Variants in ROBO1 observed in about 807,000 individuals in gnomAD.
ROBO1 encodes the protein roundabout guidance receptor 1, also known as roundabout homolog 1.
A neutral mutation model predicts 195.9 loss-of-function variants in ROBO1; 149 were observed. The observed-to-expected ratio is 0.76, with a 90% CI of 0.67 to 0.87. The LOEUF (loss-of-function observed/expected upper bound fraction) is 0.87, where lower values mean the gene tolerates loss of function less well. Among genes scored for constraint, ROBO1 ranks in the 40% least tolerant of loss-of-function variants. The probability of loss-of-function intolerance (pLI) is 0.00; values close to 1 mark genes in which losing one functional copy is unlikely to be tolerated. For missense variants in ROBO1, 1,933 were observed against 2,068.3 expected, an observed-to-expected ratio of 0.93 and a Z score of 1.27; for synonymous variants, 816 against 733.2, an observed-to-expected ratio of 1.11 and a Z score of -1.82.
intron 8 of ROBO1, among the ~76,000 whole-genome samples, chr3:78,707,272 C>A (rs535602429): frequency 6.6e-6 from 1 of 152,100 alleles, no homozygotes; most frequent in African/African-American, 2.4e-5. Context: ...AAAGACAGCA[C>A]GGGGCTTTTT....
chr3:79,645,604 A>G (rs1288206460), intron 1 of ROBO1, among the ~76,000 whole-genome samples: 1 of 152,158 alleles, frequency 6.6e-6, no homozygotes, highest in African/African-American at 2.4e-5. Flanking sequence ...GACATTCTTC[A>G]CAGAAATAGA....
At chr3:79,029,604 A>G (rs892471125) in intron 3 of ROBO1, among the ~76,000 whole-genome samples, 3 of 152,200 alleles carry the variant, frequency 2.0e-5, no homozygotes, top group Non-Finnish European at 2.9e-5. Flanking sequence ...TTAGACGTGT[A>G]TATTTCCTAG....
rs188376203 is a variant in ROBO1 at position 79,613,391 on chromosome 3, A to T, written c.-50-23430T>A. Among the ~76,000 whole-genome samples the T allele has an allele frequency of 2.1e-3, 327 of 152,170 alleles. 4 individuals carry two copies. Among genetic ancestry groups the T allele is most frequent in the Non-Finnish European group, 4.1e-4 (28 of 67,960 alleles). On this transcript the variant is annotated intron_variant, in intron 1 of 30. Coordinates refer to ENST00000464233, the MANE Select transcript of ROBO1 (RefSeq NM_002941.4). ...AATTCTTGAGCAACAGCTGAGAAAGAAAGAAAGAAGTATAACTAACAAGCC... is the reference window on the plus strand; with the variant it reads ...AATTCTTGAGCAACAGCTGAGAAAGTAAGAAAGAAGTATAACTAACAAGCC...
At chr3:79,592,933 G>A (rs1438250546) in intron 1 of ROBO1, among the ~76,000 whole-genome samples, 1 of 151,968 alleles carries the variant, frequency 6.6e-6, no homozygotes, top group Admixed American at 6.6e-5. Flanking sequence ...CTGCTGATCT[G>A]TTTGTTATCT....
intron 21 of ROBO1, among the ~76,000 whole-genome samples, chr3:78,640,233 TA>T (rs1286081385): frequency 6.6e-6 from 1 of 152,134 alleles, no homozygotes; most frequent in Non-Finnish European, 1.5e-5. Context: ...TTTAGTGGTT[TA>T]AAAAAATACC....
rs1050979209 is a variant in ROBO1, at chr3:79,584,994, G to A, written c.88+4830C>T. ...GAATATTTGATTTATCTTATATTAT[G>A]ATTTTCTTCTATGAGATTTATATAA... On this transcript the variant is annotated intron_variant, in intron 2 of 30. Transcript: ENST00000464233. Among the ~76,000 whole-genome samples, 9 of 151,694 alleles carry A rather than the reference G, an allele frequency of 5.9e-5. No individual in the cohort carries two copies. In the East Asian group the frequency reaches 1.6e-3, roughly 26 times the overall value.
At chr3:79,735,999 A>G (rs1703368793) in intron 1 of ROBO1, among the ~76,000 whole-genome samples, 1 of 152,220 alleles carries the variant, frequency 6.6e-6, no homozygotes, top group South Asian at 2.1e-4. Flanking sequence ...TTAAAAAAGA[A>G]AAATAAGATT....
rs369493652 is a variant in ROBO1, at chr3:78,918,006, T to A, written c.499+20595A>T. Among the ~76,000 whole-genome samples the A allele has an allele frequency of 5.1e-4, 78 of 152,328 alleles. No individual in the cohort carries two copies. The South Asian group carries it at 0.014, about 27-fold the overall frequency. On this transcript the variant is annotated intron_variant, in intron 4 of 30. Transcript: ENST00000464233. The stretch of plus-strand genomic sequence containing the variant: ...TGATTGTTGTATTTCTTTAAGTATG[T>A]AGCCCAGAAATGCACATGGAAATGC...
At chr3:79,036,182 A>G (rs1018856955) in intron 3 of ROBO1, among the ~76,000 whole-genome samples, 1 of 152,142 alleles carries the variant, frequency 6.6e-6, no homozygotes, top group African/African-American at 2.4e-5. Flanking sequence ...TTATAAACAT[A>G]AAAAGGTTAA....
intron 3 of ROBO1, among the ~76,000 whole-genome samples, chr3:78,939,784 T>C (rs2040036740): frequency 1.3e-5 from 2 of 151,364 alleles, no homozygotes; most frequent in Non-Finnish European, 2.9e-5. Context: ...TTAATAATAA[T>C]TTATATTTTA....
chr3:79,149,249 T>C (rs1217415596), intron 2 of ROBO1, among the ~76,000 whole-genome samples: 3 of 151,966 alleles, frequency 2.0e-5, no homozygotes, highest in Non-Finnish European at 4.4e-5. Context: ...AGCAAACTAG[T>C]TATCAGTTTC....
chr3:79,082,737 T>C (rs2079296989), intron 3 of ROBO1, among the ~76,000 whole-genome samples: 1 of 152,090 alleles, frequency 6.6e-6, no homozygotes, highest in East Asian at 1.9e-4. Flanking sequence ...CCCAACACCT[T>C]CTCACTCCCA....
At chr3:78,894,430 G>T (rs1416157688) in intron 4 of ROBO1, among the ~76,000 whole-genome samples, 1 of 152,038 alleles carries the variant, frequency 6.6e-6, no homozygotes, top group Non-Finnish European at 1.5e-5. Context: ...AATGTCCTCA[G>T]ATATTAGATA....
chr3:79,616,718 C>T (rs1944833806), intron 1 of ROBO1, among the ~76,000 whole-genome samples: 1 of 151,804 alleles, frequency 6.6e-6, no homozygotes, highest in Admixed American at 6.6e-5. Flanking sequence ...CCCTTATCCA[C>T]TGCTGTGGAT....
intron 3 of ROBO1, among the ~76,000 whole-genome samples, chr3:78,945,297 G>A (rs2040369205): frequency 6.6e-6 from 1 of 152,142 alleles, no homozygotes; most frequent in Non-Finnish European, 1.5e-5. Flanking sequence ...ACCTCACACG[G>A]CCGGGTACTA....
intron 1 of ROBO1, among the ~76,000 whole-genome samples, chr3:79,702,958 T>C (rs1947660871): frequency 6.6e-6 from 1 of 151,912 alleles, no homozygotes; most frequent in African/African-American, 2.4e-5. Flanking sequence ...TCAACCAGGG[T>C]ATCTCAAAGG....
chr3:78,937,049 T>G (rs328050), intron 4 of ROBO1, among the ~76,000 whole-genome samples: 57,289 of 151,918 alleles, frequency 0.38, 13,236 homozygotes, highest in South Asian at 0.52. Flanking sequence ...AATGAATAGC[T>G]AGTTTTAACA....
intron 4 of ROBO1, among the ~76,000 whole-genome samples, chr3:78,831,462 T>C (rs2108741402): frequency 6.6e-6 from 1 of 152,292 alleles, no homozygotes; most frequent in South Asian, 2.1e-4. Flanking sequence ...ATTAAATGAA[T>C]TCATCTCCAT....
chr3:79,744,681 T>C (rs1703794436), intron 1 of ROBO1, among the ~76,000 whole-genome samples: 1 of 152,112 alleles, frequency 6.6e-6, no homozygotes, highest in Non-Finnish European at 1.5e-5. Flanking sequence ...GTTTATTGTA[T>C]TGTGTTATAG....
Sources: gnomAD v4.1 joint callset for allele counts (sites outside exome capture counted in the v4.1 genomes callset) on GRCh38, gnomAD v4.1.1 for gene constraint, MANE v1.5 for transcripts, NCBI Gene and HGNC (gene_info 2026-07-23, HGNC 2026-07-21) for gene names.